The following RALYL variants were observed in gnomAD, a reference collection of about 807,000 sequenced individuals.
RALYL encodes the protein RALY RNA binding protein like.
RALYL carries 29 observed loss-of-function variants against 35.1 expected under a neutral mutation model. The ratio of observed to expected loss-of-function variants is 0.83; its 90% CI spans 0.61 to 1.13. RALYL has a LOEUF of 1.13. Ranked by LOEUF, RALYL falls within the 50% of genes most tolerant of loss-of-function variation. RALYL has a pLI of 0.00. For synonymous variants in RALYL, 120 were observed against 127.6 expected, an observed-to-expected ratio of 0.94 and a Z score of 0.40; for missense variants, 359 against 360.4, an observed-to-expected ratio of 1.00 and a Z score of 0.03.
intron 2 of RALYL, among the ~76,000 whole-genome samples, chr8:84,745,539 C>T (rs1808413238): frequency 1.3e-5 from 2 of 151,942 alleles, no homozygotes; most frequent in Admixed American, 1.3e-4. Flanking sequence ...TATTGATTCA[C>T]AGTGCAAAGA....
In RALYL at chr8:84,774,603, A is replaced by C. The variant is rs1338740176; in HGVS notation, c.281A>C (p.Lys94Thr). Residue 94 changes from lysine to threonine, a missense_variant, in exon 3 of 9, where the codon AAA becomes ACA. By Grantham distance (78) the Lys-to-Thr change is moderately conservative (BLOSUM62 -1). Transcript: ENST00000521268. Reference protein sequence around the residue: ...PLDINMAGEPKPYRPKPGNKR... With the variant: ...PLDINMAGEPTPYRPKPGNKR... ...GATATCAACATGGCAGGAGAGCCCA[A>C]ACCATACAGACCAAAACCTGGAAAC... 1.2e-6 allele frequency: 2 copies of C among 1,608,418 alleles called. No individual in the cohort carries two copies. Among genetic ancestry groups the C allele is most frequent in the Non-Finnish European group, 1.7e-6 (2 of 1,177,014 alleles).
chr8:84,375,776 A>G (rs1438144652), intron 1 of RALYL, among the ~76,000 whole-genome samples: 2 of 151,976 alleles, frequency 1.3e-5, no homozygotes, highest in Non-Finnish European at 2.9e-5. Context: ...ATGTCATCCA[A>G]CGAAGATTTT....
chr8:84,377,287 T>C (rs77323433), intron 1 of RALYL, among the ~76,000 whole-genome samples: 5,298 of 151,732 alleles, frequency 0.035, 131 homozygotes, highest in East Asian at 0.13. Flanking sequence ...AATTTTGTGC[T>C]TAATTTATGG....
At chr8:84,495,092 A>C (rs1351294560) in intron 1 of RALYL, among the ~76,000 whole-genome samples, 1 of 152,102 alleles carries the variant, frequency 6.6e-6, no homozygotes, top group African/African-American at 2.4e-5. Context: ...GTTTCTTGAG[A>C]GTTTTTAATG....
At chr8:84,730,960 G>C (rs1846066412) in intron 2 of RALYL, among the ~76,000 whole-genome samples, 1 of 152,100 alleles carries the variant, frequency 6.6e-6, no homozygotes, top group Non-Finnish European at 1.5e-5. Context: ...GGAGGAGAAA[G>C]AAGGAAAAGG....
intron 1 of RALYL, among the ~76,000 whole-genome samples, chr8:84,378,507 A>G (rs1436699761): frequency 6.6e-6 from 1 of 151,958 alleles, no homozygotes; most frequent in Non-Finnish European, 1.5e-5. Flanking sequence ...TTTCATAGAA[A>G]CTAGTATACC....
chr8:84,388,377 C>G (rs958330066), intron 1 of RALYL, among the ~76,000 whole-genome samples: 1 of 152,114 alleles, frequency 6.6e-6, no homozygotes, highest in Non-Finnish European at 1.5e-5. Flanking sequence ...ATGGCTGGGT[C>G]AAATGGTATT....
At chr8:84,844,487 G>A (rs1451466000) in intron 4 of RALYL, among the ~76,000 whole-genome samples, 8 of 152,222 alleles carry the variant, frequency 5.3e-5, no homozygotes, top group African/African-American at 1.9e-4. Flanking sequence ...TGGAGAGGAT[G>A]TGGAGAAATA....
intron 1 of RALYL, among the ~76,000 whole-genome samples, chr8:84,388,284 T>A (rs1328930879): frequency 2.5e-4 from 38 of 152,094 alleles, no homozygotes; most frequent in Admixed American, 2.1e-3. Flanking sequence ...GCTATTGTGA[T>A]TAGTGCCGCA....
intron 2 of RALYL, among the ~76,000 whole-genome samples, chr8:84,704,446 G>GACACACACACACACACAC (rs3068023): frequency 9.6e-6 from 1 of 104,036 alleles, no homozygotes; most frequent in African/African-American, 3.5e-5. Flanking sequence ...AATACACACA[G>GACACACACACACACACAC]ACACACACAC....
intron 1 of RALYL, among the ~76,000 whole-genome samples, chr8:84,338,384 A>T (rs10102148): frequency 0.41 from 62,633 of 151,318 alleles, 13,231 homozygotes; most frequent in East Asian, 0.51. Flanking sequence ...GTCCGAAGAG[A>T]ACTAAAGATG....
At chr8:84,753,076 G>A (rs1810472708) in intron 2 of RALYL, among the ~76,000 whole-genome samples, 1 of 152,142 alleles carries the variant, frequency 6.6e-6, no homozygotes, top group South Asian at 2.1e-4. Flanking sequence ...GACAACAGGG[G>A]CAAAACTGTC....
rs895836505 is a variant in RALYL at position 84,764,139 on chromosome 8, C to A, written c.257-10440C>A. Among the ~76,000 whole-genome samples, 5 of 152,176 alleles carry A rather than the reference C, an allele frequency of 3.3e-5. No individual in the cohort carries two copies. In the East Asian group the frequency reaches 5.8e-4, roughly 18 times the overall value. ...AAGAAACCACCTCATATACCAAGAA[C>A]GAACCCTGAGGGTGGTCTCACTGAT... is the stretch of plus-strand genomic sequence containing the variant. On this transcript the variant is annotated intron_variant, in intron 2 of 8. Transcript: ENST00000521268.
intron 2 of RALYL, among the ~76,000 whole-genome samples, chr8:84,626,916 T>G (rs1479684973): frequency 6.6e-6 from 1 of 152,174 alleles, no homozygotes; most frequent in Admixed American, 6.5e-5. Context: ...TTTCACAGCC[T>G]TATTTCGTGT....
chr8:84,345,137 A>G (rs1459798365), intron 1 of RALYL, among the ~76,000 whole-genome samples: 1 of 148,042 alleles, frequency 6.8e-6, no homozygotes, highest in Non-Finnish European at 1.5e-5. Flanking sequence ...ACAGTTTCCC[A>G]TAATGGCCAT....
chr8:84,337,130 T>C (rs1231705732), intron 1 of RALYL, among the ~76,000 whole-genome samples: 1 of 151,660 alleles, frequency 6.6e-6, no homozygotes, highest in Non-Finnish European at 1.5e-5. Flanking sequence ...ACTTGAAGCC[T>C]ACATCACAGC....
chr8:84,680,148 G>T (rs1372208643), intron 2 of RALYL, among the ~76,000 whole-genome samples: 1 of 152,034 alleles, frequency 6.6e-6, no homozygotes, highest in African/African-American at 2.4e-5. Flanking sequence ...ATGGTTTTCA[G>T]CTTCATCCAT....
chr8:84,807,251 GA>G (rs970200632), intron 4 of RALYL, among the ~76,000 whole-genome samples: 3 of 152,028 alleles, frequency 2.0e-5, no homozygotes, highest in Admixed American at 6.6e-5. Context: ...ACTTATCAGT[GA>G]ACACATACGA....
At chr8:84,331,264 T>C (rs911282785) in intron 1 of RALYL, among the ~76,000 whole-genome samples, 7 of 152,090 alleles carry the variant, frequency 4.6e-5, no homozygotes, top group African/African-American at 1.7e-4. Context: ...AGTTGTTGCA[T>C]TGATAACAAT....
Sources: gnomAD v4.1 joint callset for allele counts (sites outside exome capture counted in the v4.1 genomes callset) on GRCh38, gnomAD v4.1.1 for gene constraint, MANE v1.5 for transcripts, NCBI Gene and HGNC (gene_info 2026-07-23, HGNC 2026-07-21) for gene names.